Variants in TEF observed in about 807,000 individuals in gnomAD.
TEF encodes thyrotroph embryonic factor.
In TEF, 3 loss-of-function variants were observed where a neutral mutation model predicts 20.8. The ratio of observed to expected loss-of-function variants is 0.14; its 90% CI spans 0.07 to 0.37. TEF has a LOEUF of 0.37. Ranked by LOEUF, TEF falls within the 10% of genes least tolerant of loss-of-function variation. The probability of loss-of-function intolerance (pLI) is 1.00; values close to 1 mark genes in which losing one functional copy is unlikely to be tolerated. For synonymous variants in TEF, 180 were observed against 171.1 expected (o/e 1.05, Z -0.41); for missense variants, 296 against 397.9 (o/e 0.74, Z 2.18).
intron 3 of TEF, among the ~76,000 whole-genome samples, 194 bp from the exon 4 acceptor site, chr22:41,395,549 CTT>C (rs1421905677): frequency 6.6e-6 from 1 of 152,122 alleles, no homozygotes; most frequent in Non-Finnish European, 1.5e-5. Context: ...TACCAAATAA[CTT>C]TTGTTTCTCG....
rs199842033 is a variant in TEF at position 41,390,578 on chromosome 22, C to T, written c.475+2910C>T. Among the ~76,000 whole-genome samples the T allele has an allele frequency of 1.7e-4, 26 of 149,726 alleles. No individual in the cohort carries two copies. In the East Asian group the frequency reaches 2.8e-3, roughly 16 times the overall value. On this transcript the variant is annotated intron_variant, in intron 2 of 3. Coordinates refer to ENST00000266304, the MANE Select transcript of TEF (RefSeq NM_003216.4). Reference sequence around the variant, plus strand: ...AGTGCAGTGGTGCGATCTCGGCTCCCGCAACCTCCGCCTCGCAGGTTCAAG... The same window carrying T: ...AGTGCAGTGGTGCGATCTCGGCTCCTGCAACCTCCGCCTCGCAGGTTCAAG...
chr22:41,391,071 C>A (rs1235260043), intron 2 of TEF, among the ~76,000 whole-genome samples: 1 of 152,082 alleles, frequency 6.6e-6, no homozygotes, highest in Non-Finnish European at 1.5e-5. Flanking sequence ...CCTACAGTTA[C>A]CATGTGGGTC....
chr22:41,377,941 G>T (rs920606849), upstream of TEF, among the ~76,000 whole-genome samples: 6 of 152,150 alleles, frequency 3.9e-5, no homozygotes, highest in African/African-American at 4.8e-5. Flanking sequence ...GCTAAAAAAA[G>T]AAAATCTAAA....
intron 2 of TEF, among the ~76,000 whole-genome samples, chr22:41,391,619 A>G (rs927488935): frequency 7.2e-6 from 1 of 138,486 alleles, no homozygotes; most frequent in African/African-American, 2.8e-5. Flanking sequence ...CCAGGCCGGC[A>G]TCTGACTTTT....
In TEF at chr22:41,367,643, C is replaced by T. The variant is rs752705748; in HGVS notation, c.67+44C>T. 1.9e-5 allele frequency: 29 copies of T among 1,531,820 alleles called. No homozygotes were observed. The South Asian group carries it at 2.5e-4, about 13-fold the overall frequency. 94.9% of individuals were successfully genotyped at this position (1,531,820 alleles called of 1,614,324 possible). A position where few individuals can be genotyped will look rare whatever the true frequency, so the allele number is the denominator to read the frequency against. ...TGCATTGATTGGCTGCCCAGGTACT[C>T]GAGGGGGCGAGGGGGCAGCCACAGG... is the stretch of plus-strand genomic sequence containing the variant. On this transcript the variant is annotated intron_variant, in intron 1 of 3. Coordinates refer to the TEF transcript ENST00000406644.
intron 1 of TEF, among the ~76,000 whole-genome samples, chr22:41,384,910 T>C (rs1296051042): frequency 6.6e-6 from 1 of 151,978 alleles, no homozygotes; most frequent in East Asian, 1.9e-4. Context: ...TGCACCACTA[T>C]TCCTGACTGA....
rs2037034390 is a variant in TEF at position 41,382,080 on chromosome 22, G to A, written c.36G>A (p.Val12=). The change falls in exon 1 of 4, where the codon GTG becomes GTA. Residue 12 remains valine (V), a synonymous_variant. Coordinates refer to ENST00000266304, the MANE Select transcript of TEF (RefSeq NM_003216.4). ...SDAGGGKKPP[V]DPQAGPGPGP... ...CGGGCGGCGGAAAGAAGCCGCCTGT[G>A]GACCCGCAGGCAGGACCCGGTCCGG... 2 of 1,231,798 alleles carry A rather than the reference G, an allele frequency of 1.6e-6. No homozygotes were observed. Among genetic ancestry groups the A allele is most frequent in the Non-Finnish European group, 2.0e-6 (2 of 987,810 alleles). 76.3% of individuals were successfully genotyped at this position (1,231,798 alleles called of 1,614,324 possible).
At position 41,396,032 on chromosome 22, in the gene TEF, C is replaced by T. The variant is rs1277128669; in HGVS notation, c.*72C>T. 27 of 1,506,854 alleles carry T rather than the reference C, an allele frequency of 1.8e-5. No individual in the cohort carries two copies. The highest frequency in any genetic ancestry group is 2.4e-5 in the Non-Finnish European group (26 of 1,104,036). 93.3% of individuals were successfully genotyped at this position (1,506,854 alleles called of 1,614,324 possible). A position where few individuals can be genotyped will look rare whatever the true frequency, so the allele number is the denominator to read the frequency against. On this transcript the variant is annotated 3_prime_UTR_variant, in exon 4 of 4. Transcript: ENST00000266304. ...TGCCTGGGGGCTCCCTGTAACCCCTCACACGCGTGGAGACTTATGACTCGT... is the reference window on the plus strand; with the variant it reads ...TGCCTGGGGGCTCCCTGTAACCCCTTACACGCGTGGAGACTTATGACTCGT...
intron 1 of TEF, among the ~76,000 whole-genome samples, chr22:41,368,140 C>T (rs776996647): frequency 1.3e-5 from 2 of 152,254 alleles, no homozygotes; most frequent in South Asian, 2.1e-4. Context: ...AGGCAAAACG[C>T]GCGAGGGAGG....
At chr22:41,387,700 G>T in intron 2 of TEF, 32 bp downstream of exon 2, 4 of 1,574,196 alleles carry the variant, frequency 2.5e-6, no homozygotes, top group East Asian at 2.3e-5. Flanking sequence ...AGGGCCACCT[G>T]TCCCATCCAG....
At chr22:41,388,305 T>C (rs940992180) in intron 2 of TEF, among the ~76,000 whole-genome samples, 1 of 152,140 alleles carries the variant, frequency 6.6e-6, no homozygotes, top group Admixed American at 6.6e-5. Context: ...GCCTTAATTT[T>C]TGTATTTTTA....
upstream of TEF, among the ~76,000 whole-genome samples, chr22:41,381,420 C>A (rs547528427): frequency 6.6e-5 from 10 of 152,252 alleles, no homozygotes; most frequent in African/African-American, 2.4e-4. Context: ...CCCCCCGCGA[C>A]CAGACTCGGC....
chr22:41,382,317 G>T (rs545147054), intron 1 of TEF, 116 bp downstream of exon 1: 2 of 946,506 alleles, frequency 2.1e-6, no homozygotes, highest in Non-Finnish European at 2.7e-6. Flanking sequence ...CAGCGGAGGG[G>T]GATGGGGCCT....
At chr22:41,373,761 C>G (rs1301559330) in intron 1 of TEF, among the ~76,000 whole-genome samples, 1 of 149,002 alleles carries the variant, frequency 6.7e-6, no homozygotes, top group East Asian at 2.0e-4. Flanking sequence ...AGTCACCACG[C>G]CCGGACTTTT....
In TEF at chr22:41,397,329, C is replaced by T; in HGVS notation, c.*1369C>T. 5.2e-6 allele frequency: 2 copies of T among 383,598 alleles called. No individual in the cohort carries two copies. The highest frequency in any genetic ancestry group is 9.2e-6 in the Non-Finnish European group (2 of 216,756). 23.8% of individuals were successfully genotyped at this position (383,598 alleles called of 1,614,324 possible). On this transcript the variant is annotated 3_prime_UTR_variant, in exon 4 of 4. Coordinates refer to ENST00000266304, the MANE Select transcript of TEF (RefSeq NM_003216.4). ...GCGGGACTCGCCCTTTTGCTGTGCT[C>T]AGAAGATTCACTGAGGAAACTCATG...
chr22:41,389,290 A>G (rs998532121), intron 2 of TEF, among the ~76,000 whole-genome samples: 2 of 152,034 alleles, frequency 1.3e-5, no homozygotes, highest in African/African-American at 4.8e-5. Flanking sequence ...AGTGCCAACT[A>G]CTCGGGAGGC....
chr22:41,367,953 C>T (rs2036840282), intron 1 of TEF, among the ~76,000 whole-genome samples: 1 of 152,122 alleles, frequency 6.6e-6, no homozygotes, highest in Non-Finnish European at 1.5e-5. Flanking sequence ...CTGGGGGTGG[C>T]AGAGGAGCGG....
rs1246979495 is a variant in TEF, at chr22:41,382,139, C to T, written c.95C>T (p.Ser32Leu). Residue 32 changes from serine to leucine, a missense_variant, in exon 1 of 4, where the codon TCG (serine) becomes TTG (leucine). Ser to Leu is a moderately radical substitution (Grantham distance 145, BLOSUM62 -2). This residue lies in a region of TEF where 102 missense variants were observed against 80.1 expected (regional missense o/e 1.27). Transcript: ENST00000266304. ...CGCGCAGCTGGGGAAAGGGGCCTGT[C>T]GGGGTCCTTCCCCCTGGTCCTGAAG... Reference protein sequence around the residue: ...PGRAAGERGLSGSFPLVLKKL... With the variant: ...PGRAAGERGLLGSFPLVLKKL... The T allele has an allele frequency of 1.1e-5, 13 of 1,236,160 alleles. No homozygotes were observed. The highest frequency in any genetic ancestry group is 1.2e-5 in the Non-Finnish European group (12 of 990,558). 76.6% of individuals were successfully genotyped at this position (1,236,160 alleles called of 1,614,324 possible).
Position 41,387,478 on chromosome 22 carries a change from C to G in TEF, c.285C>G (p.His95Gln), listed in dbSNP as rs966314277. 7 of 1,614,104 alleles carry G rather than the reference C, an allele frequency of 4.3e-6. No individual in the cohort carries two copies. The Admixed American group carries it at 6.7e-5, about 15-fold the overall frequency. Residue 95 changes from histidine to glutamine, a missense_variant, in exon 2 of 4, where the codon CAC (histidine) becomes CAG (glutamine). Physicochemically the swap from His to Gln is conservative, Grantham distance 24. Around this residue, in one of 2 missense-constraint regions of TEF, gnomAD observed 194 missense variants for 317.8 expected, o/e 0.61. Transcript: ENST00000266304. ...KTIPYDGESFHLEYMDLDEFL... is the reference protein window; with the variant it reads ...KTIPYDGESFQLEYMDLDEFL... ...TCCCATATGATGGCGAATCTTTCCACCTGGAGTACATGGACCTGGATGAGT... is the reference window on the plus strand; with the variant it reads ...TCCCATATGATGGCGAATCTTTCCAGCTGGAGTACATGGACCTGGATGAGT...
Sources: gnomAD v4.1 joint callset for allele counts (sites outside exome capture counted in the v4.1 genomes callset) on GRCh38, gnomAD v4.1.1 for gene constraint, gnomAD v4.1.1 regional missense constraint, MANE v1.5 for transcripts, NCBI Gene and HGNC (gene_info 2026-07-23, HGNC 2026-07-21) for gene names.